S100PBP: variants seen among roughly 807,000 people sequenced by gnomAD.
S100PBP encodes S100P binding protein, also known as S100P-binding protein.
Under a neutral mutation model 39.9 loss-of-function variants are expected in S100PBP, and 15 were observed. That is an observed-to-expected ratio of 0.38 (90% CI 0.25 to 0.58). S100PBP has a LOEUF of 0.58. Among genes scored for constraint, S100PBP ranks in the 20% least tolerant of loss-of-function variants. S100PBP has a pLI of 0.70. For missense variants in S100PBP, 504 were observed against 487.3 expected, an observed-to-expected ratio of 1.03 and a Z score of -0.32; for synonymous variants, 178 against 180.3, an observed-to-expected ratio of 0.99 and a Z score of 0.10.
intron 1 of S100PBP, among the ~76,000 whole-genome samples, chr1:32,824,258 T>A (rs559150641): frequency 6.6e-6 from 1 of 151,614 alleles, no homozygotes; most frequent in South Asian, 2.1e-4. Flanking sequence ...CAGGGTGTGG[T>A]ATGGAGGGTC....
chr1:32,818,931 C>G (rs1209130685), intron 1 of S100PBP: 1 of 152,274 alleles, frequency 6.6e-6, no homozygotes, highest in Non-Finnish European at 1.5e-5. Context: ...CTGCTCTTGG[C>G]TGTACCTGTC....
intron 5 of S100PBP, among the ~76,000 whole-genome samples, chr1:32,846,567 G>A (rs963056296): frequency 2.0e-5 from 3 of 151,278 alleles, no homozygotes; most frequent in African/African-American, 7.3e-5. Flanking sequence ...CATACTTACT[G>A]CCTATACCTC....
intron 5 of S100PBP, among the ~76,000 whole-genome samples, chr1:32,849,608 G>A (rs1640527832): frequency 6.6e-6 from 1 of 152,174 alleles, no homozygotes; most frequent in African/African-American, 2.4e-5. Flanking sequence ...AGTTAGGCTA[G>A]TCTAACAATA....
intron 5 of S100PBP, among the ~76,000 whole-genome samples, chr1:32,842,180 CAAAAAAA>C (rs139787430): frequency 5.3e-5 from 3 of 56,420 alleles, no homozygotes; most frequent in Non-Finnish European, 9.4e-5. Context: ...AAGACTGTCT[CAAAAAAA>C]AAAAAAAAAA....
chr1:32,837,284 TTTTGTTTG>T (rs958536646), intron 5 of S100PBP: 1 of 151,590 alleles, frequency 6.6e-6, no homozygotes, highest in Non-Finnish European at 1.5e-5. Flanking sequence ...TGGAAGTTCT[TTTTGTTTG>T]TTTGTTTGTT....
chr1:32,857,372 CG>C lies in S100PBP; in HGVS notation c.*1335del, dbSNP rs1640858249. ...TGTTGCCCAGGCTGGAGTGCAATGG[CG>C]TATCTCCACTCACCACAACCTCCGC... On this transcript the variant is annotated 3_prime_UTR_variant, in exon 7 of 7. Transcript: ENST00000373475. The C allele has an allele frequency of 6.6e-6, 1 of 152,048 alleles. No homozygotes were observed. Among genetic ancestry groups the C allele is most frequent in the South Asian group, 2.1e-4 (1 of 4,814 alleles). 9.4% of individuals were successfully genotyped at this position (152,048 alleles called of 1,614,324 possible).
chr1:32,824,468 A>C (rs79768042), intron 1 of S100PBP, among the ~76,000 whole-genome samples: 9 of 152,208 alleles, frequency 5.9e-5, no homozygotes, highest in Non-Finnish European at 1.0e-4. Context: ...AACTAACTAA[A>C]TATTCAAGTA....
chr1:32,851,227 G>A (rs1453945103), intron 5 of S100PBP, among the ~76,000 whole-genome samples: 1 of 152,098 alleles, frequency 6.6e-6, no homozygotes, highest in African/African-American at 2.4e-5. Context: ...TATCCTAAAA[G>A]TGACATTACT....
upstream of S100PBP, chr1:32,817,350 G>C: frequency 2.1e-6 from 3 of 1,447,786 alleles, no homozygotes; most frequent in Admixed American, 5.2e-5. Context: ...CAGCCAGGTT[G>C]CATCAGCTGG....
In S100PBP at chr1:32,857,482, A is replaced by T. The variant is rs1049595904; in HGVS notation, c.*1444A>T. The T allele has an allele frequency of 6.6e-6, 1 of 151,960 alleles. No homozygotes were observed. The highest frequency in any genetic ancestry group is 2.4e-5 in the African/African-American group (1 of 41,346). The allele number at this position is 151,960 out of a possible 1,614,324, so 9.4% of individuals were successfully genotyped here. A position where few individuals can be genotyped will look rare whatever the true frequency, so the allele number is the denominator to read the frequency against. On this transcript the variant is annotated 3_prime_UTR_variant, in exon 7 of 7. Transcript: ENST00000373475. ...TGCGCCACCATGCCTGGCTAATTTC[A>T]TATTTTTTAGTAGAGACAGGATTTC...
Position 32,832,719 on chromosome 1 carries a change from T to C in S100PBP, c.1024+2652T>C, listed in dbSNP as rs1359226782. 2.0e-5 allele frequency among the ~76,000 whole-genome samples: 3 copies of C among 152,228 alleles called. No homozygotes were observed. The East Asian group carries it at 5.8e-4, about 29-fold the overall frequency. ...GCACAAAAGGGGAGCGTAGTACTTC[T>C]TGTCCTCCTTCCTTTTGAGATGTTT... is the stretch of plus-strand genomic sequence containing the variant. On this transcript the variant is annotated intron_variant, in intron 5 of 6. Transcript: ENST00000373475.
chr1:32,853,479 A>G (rs1384990893), intron 6 of S100PBP, among the ~76,000 whole-genome samples: 1 of 70,084 alleles, frequency 1.4e-5, no homozygotes, highest in African/African-American at 5.5e-5. Context: ...TAAAAAAAAA[A>G]AAAGAAAAGG....
chr1:32,817,912 C>T (rs901762994), intron 1 of S100PBP: 1 of 153,558 alleles, frequency 6.5e-6, no homozygotes, highest in Admixed American at 6.5e-5. Context: ...GCCCCTCACC[C>T]CGCTGAGGAA....
Position 32,845,715 on chromosome 1 carries a change from C to T in S100PBP, c.1025-7364C>T, listed in dbSNP as rs147805000. ...TTTTTTTTTAAGATAAAGCCTTGCTCTGTCACCCAGCCTGAGTGCAGTGGT... is the reference window on the plus strand; with the variant it reads ...TTTTTTTTTAAGATAAAGCCTTGCTTTGTCACCCAGCCTGAGTGCAGTGGT... On this transcript the variant is annotated intron_variant, in intron 5 of 6. Transcript: ENST00000373475. 1.1e-4 allele frequency among the ~76,000 whole-genome samples: 17 copies of T among 149,716 alleles called. No individual in the cohort carries two copies. The East Asian group carries it at 2.7e-3, about 24-fold the overall frequency.
intron 1 of S100PBP, among the ~76,000 whole-genome samples, chr1:32,819,120 C>G (rs982409646): frequency 1.3e-5 from 2 of 148,178 alleles, no homozygotes; most frequent in African/African-American, 5.0e-5. Flanking sequence ...CCAGGAGGTT[C>G]GAGAACAGAG....
chr1:32,854,926 TTACTC>T (rs1304171877), intron 6 of S100PBP, among the ~76,000 whole-genome samples: 7 of 152,220 alleles, frequency 4.6e-5, no homozygotes, highest in African/African-American at 1.4e-4. Context: ...CCAGTTCTGC[TTACTC>T]TACTCTATGA....
upstream of S100PBP, chr1:32,817,228 C>A: frequency 6.2e-7 from 1 of 1,614,186 alleles, no homozygotes. Flanking sequence ...CTCTTCAGGG[C>A]TGGGAGCGTC....
chr1:32,821,084 T>A (rs1215331548), intron 1 of S100PBP, among the ~76,000 whole-genome samples: 1 of 152,200 alleles, frequency 6.6e-6, no homozygotes, highest in Non-Finnish European at 1.5e-5. Flanking sequence ...CTCTTCTTGC[T>A]ATTTTTTTTT....
Position 32,858,653 on chromosome 1 carries a change from T to C in S100PBP, c.*2615T>C, listed in dbSNP as rs1640903443. 1 of 152,216 alleles carries C rather than the reference T, an allele frequency of 6.6e-6. No individual in the cohort carries two copies. 9.4% of individuals were successfully genotyped at this position (152,216 alleles called of 1,614,324 possible). A position where few individuals can be genotyped will look rare whatever the true frequency, so the allele number is the denominator to read the frequency against. On this transcript the variant is annotated 3_prime_UTR_variant, in exon 7 of 7. Transcript: ENST00000373475. ...TTCATCCATGACGACATTCCCACCA[T>C]GGGGGTCTTGACAAAGCAGAGTAAA... is the stretch of plus-strand genomic sequence containing the variant.
Sources: gnomAD v4.1 joint callset for allele counts (sites outside exome capture counted in the v4.1 genomes callset) on GRCh38, gnomAD v4.1.1 for gene constraint, MANE v1.5 for transcripts, NCBI Gene and HGNC (gene_info 2026-07-23, HGNC 2026-07-21) for gene names.